Variants in PTPRM observed in about 807,000 individuals in gnomAD.
PTPRM encodes the protein protein tyrosine phosphatase receptor type M, also known as receptor-type tyrosine-protein phosphatase mu.
PTPRM carries 47 observed loss-of-function variants against 186.7 expected under a neutral mutation model. That is an observed-to-expected ratio of 0.25 (90% CI 0.20 to 0.32). The LOEUF is 0.32. Among genes scored for constraint, PTPRM ranks in the 10% least tolerant of loss-of-function variants. The pLI is 1.00. For synonymous variants in PTPRM, 668 were observed against 674.9 expected (o/e 0.99, Z 0.16); for missense variants, 1,494 against 1,865.0 (o/e 0.80, Z 3.66).
chr18:7,899,094 A>G (rs2049522599), intron 3 of PTPRM, among the ~76,000 whole-genome samples: 1 of 152,232 alleles, frequency 6.6e-6, no homozygotes, highest in African/African-American at 2.4e-5. Flanking sequence ...CTTAAGGCTC[A>G]TCTTAGCGTC....
At chr18:7,650,450 C>T (rs1475494093) in intron 1 of PTPRM, among the ~76,000 whole-genome samples, 1 of 142,280 alleles carries the variant, frequency 7.0e-6, no homozygotes, top group African/African-American at 2.6e-5. Context: ...CAAATCCCCC[C>T]CCCCCCCACT....
At chr18:8,315,025 G>T (rs1415446055) in intron 21 of PTPRM, among the ~76,000 whole-genome samples, 168 bp downstream of exon 21, 1 of 152,146 alleles carries the variant, frequency 6.6e-6, no homozygotes. Flanking sequence ...CTGAACGATT[G>T]TTGGACATAC....
chr18:7,990,102 C>T (rs2083184850), intron 7 of PTPRM, among the ~76,000 whole-genome samples: 2 of 152,134 alleles, frequency 1.3e-5, no homozygotes, highest in Non-Finnish European at 2.9e-5. Flanking sequence ...TAGAGTTTCA[C>T]CATGTTGGCC....
intron 14 of PTPRM, among the ~76,000 whole-genome samples, chr18:8,147,487 C>T (rs557607500): frequency 3.3e-5 from 5 of 152,124 alleles, no homozygotes; most frequent in South Asian, 2.1e-4. Flanking sequence ...GTTATTTTTG[C>T]GTTGATTTTG....
At chr18:8,126,310 CTG>C in intron 13 of PTPRM, among the ~76,000 whole-genome samples, 1 of 151,504 alleles carries the variant, frequency 6.6e-6, no homozygotes, top group African/African-American at 2.4e-5. Context: ...CTTCTTTTGA[CTG>C]ATTTTATGTT....
chr18:8,207,413 A>G (rs1053559241), intron 14 of PTPRM, among the ~76,000 whole-genome samples: 17 of 152,214 alleles, frequency 1.1e-4, no homozygotes, highest in African/African-American at 3.9e-4. Context: ...TCACGGGATT[A>G]TATATGACAG....
At chr18:8,063,415 C>A (rs1380466197) in intron 7 of PTPRM, among the ~76,000 whole-genome samples, 1 of 152,154 alleles carries the variant, frequency 6.6e-6, no homozygotes, top group South Asian at 2.1e-4. Context: ...TCTTCTGCGT[C>A]GCTCACGCTG....
At position 7,779,868 on chromosome 18, in the gene PTPRM, G is replaced by A. The variant is rs1228701693; in HGVS notation, c.196+5597G>A. On this transcript the variant is annotated intron_variant, in intron 2 of 32. Transcript: ENST00000580170. ...TTAGATGCCTGAGATTTTTCACCGA[G>A]TGAAACAAATAAAGATCCTCTTCTC... 2.6e-5 allele frequency among the ~76,000 whole-genome samples: 4 copies of A among 152,138 alleles called. No individual in the cohort carries two copies. The South Asian group carries it at 8.3e-4, about 31-fold the overall frequency.
intron 14 of PTPRM, among the ~76,000 whole-genome samples, chr18:8,178,325 T>C (rs1485188715): frequency 2.0e-5 from 3 of 152,210 alleles, no homozygotes; most frequent in African/African-American, 7.2e-5. Context: ...TTGCCGTCAT[T>C]CTTGAAACAC....
At chr18:7,607,403 A>G (rs1454756870) in intron 1 of PTPRM, among the ~76,000 whole-genome samples, 1 of 7,834 alleles carries the variant, frequency 1.3e-4, no homozygotes, top group African/African-American at 1.7e-3. Flanking sequence ...TCTCTTCTGC[A>G]CATCTCTCCT....
intron 29 of PTPRM, among the ~76,000 whole-genome samples, chr18:8,382,162 G>A (rs2095740890): frequency 6.6e-6 from 1 of 152,158 alleles, no homozygotes; most frequent in South Asian, 2.1e-4. Context: ...TACAAGAATA[G>A]CACTCAACTA....
At chr18:8,009,727 A>T (rs1009238524) in intron 7 of PTPRM, among the ~76,000 whole-genome samples, 1 of 152,096 alleles carries the variant, frequency 6.6e-6, no homozygotes, top group African/African-American at 2.4e-5. Context: ...AATAAATAAA[A>T]AATAAAAAAA....
At chr18:7,946,051 C>T (rs149175334) in intron 5 of PTPRM, among the ~76,000 whole-genome samples, 136 of 152,304 alleles carry the variant, frequency 8.9e-4, no homozygotes, top group African/African-American at 3.2e-3. Context: ...ATATGACTCA[C>T]TAGAGTCACG....
intron 9 of PTPRM, 55 bp from the exon 10 acceptor site, chr18:8,085,616 T>C: frequency 7.0e-7 from 1 of 1,435,334 alleles, no homozygotes; most frequent in South Asian, 1.1e-5. Flanking sequence ...TGGATAAAGA[T>C]GCAATCTGAG....
Position 7,874,338 on chromosome 18 carries a change from AG to A in PTPRM, c.197-13767del, listed in dbSNP as rs780376817. ...TTTAATGAAAAGTTAAAATGGGGAA[AG>A]AACGAACTGGGTCTCTATGTAAACA... On this transcript the variant is annotated intron_variant, in intron 2 of 32. Coordinates refer to ENST00000580170, the MANE Select transcript of PTPRM (RefSeq NM_001105244.2). 1.1e-4 allele frequency among the ~76,000 whole-genome samples: 17 copies of A among 152,208 alleles called. 1 individual carries two copies. In the East Asian group the frequency reaches 2.3e-3, roughly 21 times the overall value.
chr18:7,588,581 A>G (rs1034995085), intron 1 of PTPRM, among the ~76,000 whole-genome samples: 1 of 152,202 alleles, frequency 6.6e-6, no homozygotes, highest in Non-Finnish European at 1.5e-5. Context: ...AGGAATCTTC[A>G]CACTTTTGGT....
chr18:7,852,107 GATA>G lies in PTPRM; in HGVS notation c.197-35997_197-35995del, dbSNP rs368135468. On this transcript the variant is annotated intron_variant, in intron 2 of 32. Transcript: ENST00000580170. ...ATCTAGAAGAGAGCAGTAAAGGGGA[GATA>G]AACAAAGAACACAGCTCAATAGAGA... Among the ~76,000 whole-genome samples the G allele has an allele frequency of 2.9e-3, 439 of 152,222 alleles. 4 individuals carry two copies. The highest frequency in any genetic ancestry group is 9.8e-3 in the African/African-American group (409 of 41,528).
chr18:8,288,416 G>A (rs1601644297), intron 19 of PTPRM, among the ~76,000 whole-genome samples: 2 of 152,136 alleles, frequency 1.3e-5, no homozygotes. Flanking sequence ...GTTTTTTAGG[G>A]AACAAAAGAA....
chr18:7,952,798 G>A (rs1296045175), intron 6 of PTPRM, among the ~76,000 whole-genome samples: 1 of 152,176 alleles, frequency 6.6e-6, no homozygotes, highest in Non-Finnish European at 1.5e-5. Flanking sequence ...TTGAGGTCAG[G>A]AGTTCGAGAC....
Sources: gnomAD v4.1 joint callset for allele counts (sites outside exome capture counted in the v4.1 genomes callset) on GRCh38, gnomAD v4.1.1 for gene constraint, MANE v1.5 for transcripts, NCBI Gene and HGNC (gene_info 2026-07-23, HGNC 2026-07-21) for gene names.